The following COL16A1 variants were observed in gnomAD, a reference collection of about 807,000 sequenced individuals.
COL16A1 encodes collagen type XVI alpha 1 chain.
Under a neutral mutation model 266.3 loss-of-function variants are expected in COL16A1, and 189 were observed. That is an observed-to-expected ratio of 0.71 (90% CI 0.63 to 0.80). The LOEUF is 0.80. Ranked by LOEUF, COL16A1 falls within the 30% of genes least tolerant of loss-of-function variation. COL16A1 has a pLI of 0.00. For missense variants in COL16A1, 1,928 were observed against 2,122.4 expected (o/e 0.91, Z 1.80); for synonymous variants, 740 against 782.3 (o/e 0.95, Z 0.90).
Position 31,686,383 on chromosome 1 carries a change from C to T in COL16A1, c.1804-104G>A, listed in dbSNP as rs749170952. 23 of 1,471,834 alleles carry T rather than the reference C, an allele frequency of 1.6e-5. No individual in the cohort carries two copies. The Middle Eastern group carries it at 5.1e-4, about 33-fold the overall frequency. The allele number at this position is 1,471,834 out of a possible 1,614,324, so 91.2% of individuals were successfully genotyped here. ...AAAGCAACCCCTTCAGATGTCCAGA[C>T]TACCCTCTCATGTCCAGAGAGGAAG... On this transcript the variant is annotated intron_variant, in intron 26 of 70. Coordinates refer to ENST00000373672, the MANE Select transcript of COL16A1 (RefSeq NM_001856.4).
chr1:31,692,808 C>T lies in COL16A1; in HGVS notation c.1072G>A (p.Gly358Ser), dbSNP rs1429403379. 6.2e-7 allele frequency: 1 copy of T among 1,613,678 alleles called. No individual in the cohort carries two copies. Among genetic ancestry groups the T allele is most frequent in the Non-Finnish European group, 8.5e-7 (1 of 1,179,694 alleles). The change falls in exon 14 of 71, where the codon GGC (glycine) becomes AGC (serine). Residue 358 changes from glycine (G) to serine (S), a missense_variant and splice_region_variant. Physicochemically the swap from Gly to Ser is moderately conservative, Grantham distance 56. Around this residue, in one of 2 missense-constraint regions of COL16A1, gnomAD observed 1,552 missense variants for 1,637.2 expected, o/e 0.95. Transcript: ENST00000373672. ...GGGGAGATTCGAACACAGTCATTGC[C>T]CTGGGAGTAGGGAACAAGGGATCAG... is the stretch of plus-strand genomic sequence containing the variant. Reference protein sequence around the residue: ...PGSKGEKGARGNDCVRISPDA... With the variant: ...PGSKGEKGARSNDCVRISPDA...
At chr1:31,665,008 GC>G (rs968474951) in intron 56 of COL16A1, among the ~76,000 whole-genome samples, 163 bp downstream of exon 56, 2 of 152,222 alleles carry the variant, frequency 1.3e-5, no homozygotes, top group Non-Finnish European at 2.9e-5. Context: ...AGCCCTGTCG[GC>G]CTCCAGTAGT....
chr1:31,665,461 G>C lies in COL16A1; in HGVS notation c.3492+122C>G. 3 of 1,567,168 alleles carry C rather than the reference G, an allele frequency of 1.9e-6. No homozygotes were observed. The South Asian group carries it at 3.4e-5, about 18-fold the overall frequency. Reference sequence around the variant, plus strand: ...GGAATCAGGCCTGGCCACCCAGGCCGTTCTCCCCTGCCTCTCCCCTCTTCT... The same window carrying C: ...GGAATCAGGCCTGGCCACCCAGGCCCTTCTCCCCTGCCTCTCCCCTCTTCT... On this transcript the variant is annotated intron_variant, in intron 55 of 70. Transcript: ENST00000373672.
intron 35 of COL16A1, 35 bp from the exon 36 acceptor site, chr1:31,683,282 C>T: frequency 6.2e-7 from 1 of 1,614,162 alleles, no homozygotes; most frequent in Admixed American, 1.7e-5. Flanking sequence ...AACCCATATC[C>T]TAGAATGGCC....
At chr1:31,671,544 C>A in intron 48 of COL16A1, 71 bp downstream of exon 48, 1 of 1,596,424 alleles carries the variant, frequency 6.3e-7, no homozygotes, top group South Asian at 1.1e-5. Flanking sequence ...GACAAGGCCG[C>A]GGGATGGTGT....
rs1641148860 is a variant in COL16A1, at chr1:31,656,380, C to G, written c.4101+20G>C. ...CCACTCGTGAGCTTCTCCTCTCAAG[C>G]CCAGCCAGTGCCCACTCACCTTGGG... On this transcript the variant is annotated intron_variant, in intron 66 of 70. Coordinates refer to ENST00000373672, the MANE Select transcript of COL16A1 (RefSeq NM_001856.4). This position sits in a 1 kb window ranked among gnomAD's most constrained non-coding sequence, Gnocchi z 4.2. 2 of 1,613,058 alleles carry G rather than the reference C, an allele frequency of 1.2e-6. No homozygotes were observed. The highest frequency in any genetic ancestry group is 1.1e-5 in the South Asian group (1 of 90,754).
In COL16A1 at chr1:31,661,718, C is replaced by T. The variant is rs80302471; in HGVS notation, c.3682-14G>A. 588 of 1,593,176 alleles carry T rather than the reference C, an allele frequency of 3.7e-4. 2 individuals carry two copies. In the African/African-American group the frequency reaches 6.6e-3, roughly 18 times the overall value. The stretch of plus-strand genomic sequence containing the variant: ...ACCAGGGTCCCCCTAGGGAAAGAGA[C>T]GAGGAGGATTGAGACAAGAGTTTTG... On this transcript the variant is annotated splice_polypyrimidine_tract_variant and intron_variant, in intron 58 of 70. Coordinates refer to ENST00000373672, the MANE Select transcript of COL16A1 (RefSeq NM_001856.4).
intron 37 of COL16A1, among the ~76,000 whole-genome samples, chr1:31,682,509 A>T (rs572985157): frequency 1.3e-5 from 2 of 152,278 alleles, no homozygotes; most frequent in African/African-American, 4.8e-5. Flanking sequence ...ATCCTCATAG[A>T]CAGTTGTACT....
chr1:31,654,665 CT>C lies in COL16A1; in HGVS notation c.4357+126del, dbSNP rs1362233008. 14 of 1,553,284 alleles carry C rather than the reference CT, an allele frequency of 9.0e-6. No individual in the cohort carries two copies. In the East Asian group the frequency reaches 1.1e-4, roughly 13 times the overall value. ...GAACATCTGCCTGTCAACCCCAGGC[CT>C]GTGAGTGTGTGGAGGGTGAGAGCAG... is the stretch of plus-strand genomic sequence containing the variant. On this transcript the variant is annotated intron_variant, in intron 68 of 70. Transcript: ENST00000373672.
Position 31,698,170 on chromosome 1 carries a change from T to C in COL16A1, c.393A>G (p.Ile131Met). The change falls in exon 6 of 71, where the codon ATA becomes ATG. Residue 131 changes from isoleucine (I) to methionine (M), a missense_variant and splice_region_variant. Around this residue, in one of 2 missense-constraint regions of COL16A1, gnomAD observed 1,552 missense variants for 1,637.2 expected, o/e 0.95. Coordinates refer to ENST00000373672, the MANE Select transcript of COL16A1 (RefSeq NM_001856.4). This position sits in a 1 kb window ranked among gnomAD's most constrained non-coding sequence, Gnocchi z 4.1. Reference sequence around the variant, plus strand: ...GCTCTTGGCTGTTGACTTCCAGGGATATCTGGGTAGAATTTGGAAAGGGAA... The same window carrying C: ...GCTCTTGGCTGTTGACTTCCAGGGACATCTGGGTAGAATTTGGAAAGGGAA... The part of the protein sequence containing the change: ...QVTDANGYPQ[I>M]SLEVNSQERS... 1 of 1,613,482 alleles carries C rather than the reference T, an allele frequency of 6.2e-7. No individual in the cohort carries two copies.
chr1:31,680,580 C>T lies in COL16A1; in HGVS notation c.2610+325G>A, dbSNP rs1020145153. On this transcript the variant is annotated intron_variant, in intron 39 of 70. Transcript: ENST00000373672. Reference sequence around the variant, plus strand: ...CCTGCCCCATCCTCTGACTCAGCCCCCATTTGAAAATGCAGCTGCCCTCCT... The same window carrying T: ...CCTGCCCCATCCTCTGACTCAGCCCTCATTTGAAAATGCAGCTGCCCTCCT... 1.4e-4 allele frequency among the ~76,000 whole-genome samples: 21 copies of T among 152,176 alleles called. 1 individual carries two copies. The highest frequency in any genetic ancestry group is 5.1e-4 in the African/African-American group (21 of 41,446).
Position 31,691,651 on chromosome 1 carries a change from G to C in COL16A1, c.1258-9C>G. The C allele has an allele frequency of 6.2e-7, 1 of 1,612,794 alleles. No homozygotes were observed. The highest frequency in any genetic ancestry group is 8.5e-7 in the Non-Finnish European group (1 of 1,179,492). On this transcript the variant is annotated splice_polypyrimidine_tract_variant and intron_variant, in intron 17 of 70. Transcript: ENST00000373672. Reference sequence around the variant, plus strand: ...ATCTCTCCTGGCCGGCCCTGTGGGGGGATAAGGGGGAGGGTGTACAAACAG... The same window carrying C: ...ATCTCTCCTGGCCGGCCCTGTGGGGCGATAAGGGGGAGGGTGTACAAACAG...
chr1:31,661,009 G>T, intron 61 of COL16A1, 57 bp downstream of exon 61: 1 of 1,515,414 alleles, frequency 6.6e-7, no homozygotes, highest in Non-Finnish European at 8.9e-7. Flanking sequence ...CTGCATCCCA[G>T]ACTCTGCAGA....
intron 44 of COL16A1, 125 bp downstream of exon 44, chr1:31,674,882 G>A: frequency 6.9e-7 from 1 of 1,444,146 alleles, no homozygotes; most frequent in South Asian, 1.3e-5. Context: ...CAGATGCTTG[G>A]AATGCGTATT....
chr1:31,700,651 G>T (rs1644692420), intron 2 of COL16A1, among the ~76,000 whole-genome samples: 1 of 152,196 alleles, frequency 6.6e-6, no homozygotes, highest in Non-Finnish European at 1.5e-5. Context: ...ATGCCACGAG[G>T]GATGACATGT....
intron 70 of COL16A1, 145 bp downstream of exon 70, chr1:31,653,454 T>G: frequency 1.0e-6 from 1 of 974,024 alleles, no homozygotes; most frequent in East Asian, 2.7e-5. Flanking sequence ...TGGCAGAGTG[T>G]CTTGCACACA....
intron 58 of COL16A1, among the ~76,000 whole-genome samples, 174 bp downstream of exon 58, chr1:31,662,160 G>A (rs1159501753): frequency 1.3e-5 from 2 of 152,186 alleles, no homozygotes; most frequent in Non-Finnish European, 2.9e-5. Context: ...GAAGCCAAGG[G>A]GCTGTGGTGC....
intron 55 of COL16A1, 78 bp downstream of exon 55, chr1:31,665,505 C>T: frequency 6.2e-7 from 1 of 1,612,424 alleles, no homozygotes; most frequent in Admixed American, 1.7e-5. Context: ...CCATCCTACC[C>T]CAGCCTGGCC....
At chr1:31,674,739 G>A (rs550429993) in intron 44 of COL16A1, among the ~76,000 whole-genome samples, 1 of 152,328 alleles carries the variant, frequency 6.6e-6, no homozygotes, top group East Asian at 1.9e-4. Flanking sequence ...GCTGCTGCGG[G>A]CAGGCTTCAG....
Sources: allele counts gnomAD v4.1 joint callset (sites outside exome capture counted in the v4.1 genomes callset), GRCh38; gene constraint gnomAD v4.1.1; regional missense constraint gnomAD v4.1.1; non-coding constraint Gnocchi (gnomAD v3.1); transcripts MANE v1.5; gene names NCBI Gene and HGNC (gene_info 2026-07-23, HGNC 2026-07-21).